Variants in FAM184A observed in about 807,000 individuals in gnomAD.
The protein encoded by FAM184A is family with sequence similarity 184 member A, also known as protein FAM184A.
FAM184A carries 99 observed loss-of-function variants against 143.8 expected under a neutral mutation model. The ratio of observed to expected loss-of-function variants is 0.69; its 90% CI spans 0.58 to 0.81. The LOEUF is 0.81. Among genes scored for constraint, FAM184A ranks in the 40% least tolerant of loss-of-function variants. The probability of loss-of-function intolerance (pLI) is 0.00; values close to 1 mark genes in which losing one functional copy is unlikely to be tolerated. For synonymous variants in FAM184A, 427 were observed against 446.4 expected (o/e 0.96, Z 0.55); for missense variants, 1,217 against 1,310.5 (o/e 0.93, Z 1.10).
intron 1 of FAM184A, among the ~76,000 whole-genome samples, chr6:119,118,572 T>TA (rs1343527313): frequency 6.6e-6 from 1 of 152,246 alleles, no homozygotes; most frequent in Non-Finnish European, 1.5e-5. Context: ...TATAATTTCT[T>TA]ACGCCTGTCT....
chr6:119,144,657 G>T lies in FAM184A; in HGVS notation c.-202+4421C>A, dbSNP rs542449246. 4.6e-5 allele frequency among the ~76,000 whole-genome samples: 7 copies of T among 152,314 alleles called. No homozygotes were observed. In the East Asian group the frequency reaches 1.4e-3, roughly 29 times the overall value. On this transcript the variant is annotated intron_variant, in intron 1 of 16. Coordinates refer to the FAM184A transcript ENST00000352896. Reference sequence around the variant, plus strand: ...TCTAATTGCATTTCTTCTTTATTTTGCTAGCTTGTGGTGAAGATAAAAGTC... The same window carrying T: ...TCTAATTGCATTTCTTCTTTATTTTTCTAGCTTGTGGTGAAGATAAAAGTC...
rs147855538 is a variant in FAM184A at position 119,042,535 on chromosome 6, G to A, written c.160-17722C>T. Among the ~76,000 whole-genome samples the A allele has an allele frequency of 7.7e-3, 1,166 of 152,158 alleles. 8 individuals are homozygous for A. Among genetic ancestry groups the A allele is most frequent in the African/African-American group, 0.027 (1,105 of 41,496 alleles). On this transcript the variant is annotated intron_variant, in intron 1 of 17. Transcript: ENST00000338891. ...TGAGGAGGCAAAGACTGAAGTTGCC[G>A]TGGACCCATATGGATTCACCACCAA...
At chr6:118,991,608 C>T (rs1582475238) in intron 9 of FAM184A, among the ~76,000 whole-genome samples, 2 of 151,742 alleles carry the variant, frequency 1.3e-5, no homozygotes, top group African/African-American at 2.4e-5. Context: ...GGTGTGGGAG[C>T]GGAGAAAGGG....
chr6:119,037,550 A>C (rs1043644273), intron 1 of FAM184A, among the ~76,000 whole-genome samples: 27 of 152,334 alleles, frequency 1.8e-4, no homozygotes, highest in Admixed American at 5.2e-4. Flanking sequence ...ATATTCTTGA[A>C]TGAGATGGCA....
At chr6:118,991,863 T>C (rs902755865) in intron 9 of FAM184A, among the ~76,000 whole-genome samples, 2 of 148,694 alleles carry the variant, frequency 1.3e-5, no homozygotes, top group East Asian at 2.0e-4. Flanking sequence ...CCCGGGTTCA[T>C]GTCATTCTCC....
intron 1 of FAM184A, among the ~76,000 whole-genome samples, chr6:119,032,783 G>T (rs548258631): frequency 1.3e-5 from 2 of 152,342 alleles, no homozygotes; most frequent in South Asian, 4.1e-4. Context: ...CTCGGATTCA[G>T]TAATTGTTTA....
intron 16 of FAM184A, chr6:118,963,356 C>T (rs1231434321): frequency 2.6e-5 from 4 of 151,894 alleles, no homozygotes; most frequent in Admixed American, 2.6e-4. Flanking sequence ...CATAATCTTG[C>T]TTTATAATTA....
At chr6:119,132,048 G>C (rs1789547605) in intron 1 of FAM184A, among the ~76,000 whole-genome samples, 1 of 152,102 alleles carries the variant, frequency 6.6e-6, no homozygotes, top group African/African-American at 2.4e-5. Context: ...TAGCTAACTT[G>C]GTTATATTTC....
intron 1 of FAM184A, among the ~76,000 whole-genome samples, chr6:119,049,813 C>G (rs1786679073): frequency 6.6e-6 from 1 of 152,194 alleles, no homozygotes; most frequent in African/African-American, 2.4e-5. Context: ...ACAATCACGA[C>G]AAAAGCCAAA....
intron 14 of FAM184A, among the ~76,000 whole-genome samples, chr6:118,973,535 G>A (rs1783758966): frequency 6.6e-6 from 1 of 152,150 alleles, no homozygotes; most frequent in Admixed American, 6.5e-5. Flanking sequence ...TGACATGAAG[G>A]ATAATGGGAT....
chr6:119,067,683 T>C (rs1787508414), intron 1 of FAM184A, among the ~76,000 whole-genome samples: 1 of 152,222 alleles, frequency 6.6e-6, no homozygotes, highest in African/African-American at 2.4e-5. Context: ...GTCAGGAACC[T>C]AGCTCTGTAT....
At chr6:119,012,382 C>T (rs957246079) in intron 5 of FAM184A, among the ~76,000 whole-genome samples, 4 of 152,304 alleles carry the variant, frequency 2.6e-5, no homozygotes, top group African/African-American at 2.4e-5. Flanking sequence ...TCAAAGCACA[C>T]ACCACAAAGG....
At chr6:119,111,536 A>C (rs913237081) in intron 1 of FAM184A, among the ~76,000 whole-genome samples, 1 of 152,206 alleles carries the variant, frequency 6.6e-6, no homozygotes, top group South Asian at 2.1e-4. Flanking sequence ...TAAAATGTTG[A>C]ATTTCCAGGG....
upstream of FAM184A, among the ~76,000 whole-genome samples, chr6:119,080,086 C>T (rs1788017014): frequency 6.6e-6 from 1 of 152,232 alleles, no homozygotes; most frequent in African/African-American, 2.4e-5. Flanking sequence ...CATTTTAGAA[C>T]TCATGTTCTT....
At chr6:119,127,045 A>C (rs1260009551) in intron 1 of FAM184A, among the ~76,000 whole-genome samples, 3 of 152,002 alleles carry the variant, frequency 2.0e-5, no homozygotes, top group Non-Finnish European at 4.4e-5. Context: ...GGTTTTTATG[A>C]GTGCAGGATG....
Position 118,975,056 on chromosome 6 carries a change from G to C in FAM184A, c.2736C>G (p.Leu912=). 6.2e-7 allele frequency: 1 copy of C among 1,613,030 alleles called. No homozygotes were observed. Among genetic ancestry groups the C allele is most frequent in the East Asian group, 2.2e-5 (1 of 44,764 alleles). The change falls in exon 13 of 18, where the codon CTC becomes CTG. Residue 912 remains leucine (L), a synonymous_variant. Coordinates refer to ENST00000338891, the MANE Select transcript of FAM184A (RefSeq NM_024581.6). ...GTTGGTTAGATTCACTTCGTATTCT[G>C]AGAATTTCTTTCCCCTTAAATTCCA... ...KELEFKGKEI[L]RIRSESNQQI... is the part of the protein sequence containing the mutation.
chr6:119,022,053 CTTTTTTTTTTTT>C (rs34128659), intron 3 of FAM184A, among the ~76,000 whole-genome samples: 1 of 84,392 alleles, frequency 1.2e-5, no homozygotes, highest in Non-Finnish European at 2.2e-5. Flanking sequence ...TTCGTTCTTT[CTTTTTTTTTTTT>C]TTTTTTTTTT....
intron 1 of FAM184A, among the ~76,000 whole-genome samples, chr6:119,077,299 A>T (rs1194946873): frequency 6.6e-6 from 1 of 152,128 alleles, no homozygotes; most frequent in Non-Finnish European, 1.5e-5. Context: ...GACAGCTTAA[A>T]CACATTAAGG....
intron 1 of FAM184A, among the ~76,000 whole-genome samples, chr6:119,100,383 A>G (rs1424439860): frequency 6.6e-6 from 1 of 152,140 alleles, no homozygotes; most frequent in African/African-American, 2.4e-5. Context: ...AATTGTTCCA[A>G]GAGACAAGGA....
Sources: allele counts gnomAD v4.1 joint callset (sites outside exome capture counted in the v4.1 genomes callset), GRCh38; gene constraint gnomAD v4.1.1; transcripts MANE v1.5; gene names NCBI Gene and HGNC (gene_info 2026-07-23, HGNC 2026-07-21).